The following ROBO2 variants were observed in gnomAD, a reference collection of about 807,000 sequenced individuals.
ROBO2 encodes the protein roundabout homolog 2.
Under a neutral mutation model 160.8 loss-of-function variants are expected in ROBO2, and 53 were observed. That is an observed-to-expected ratio of 0.33 (90% confidence interval 0.26 to 0.41). ROBO2 has a LOEUF of 0.41. ROBO2 is among the 10% of genes least tolerant of loss of function. The pLI, the probability that ROBO2 is intolerant of heterozygous loss-of-function variation, is 1.00. For missense variants in ROBO2, 1,577 were observed against 1,722.4 expected (o/e 0.92, Z 1.49); for synonymous variants, 664 against 611.7 (o/e 1.09, Z -1.26).
intron 16 of ROBO2, among the ~76,000 whole-genome samples, chr3:77,585,809 A>C (rs938218718): frequency 3.3e-5 from 5 of 152,076 alleles, no homozygotes; most frequent in Non-Finnish European, 5.9e-5. Context: ...TTAGTTGAGA[A>C]GTGATTTAGT....
At chr3:77,449,054 C>T (rs1378489791) in intron 2 of ROBO2, among the ~76,000 whole-genome samples, 3 of 152,026 alleles carry the variant, frequency 2.0e-5, no homozygotes, top group African/African-American at 7.2e-5. Context: ...GAAAGGTAAA[C>T]ATTTCTAAGC....
chr3:76,072,675 T>C (rs1034079877), intron 2 of ROBO2, among the ~76,000 whole-genome samples: 28 of 152,202 alleles, frequency 1.8e-4, no homozygotes, highest in African/African-American at 6.5e-4. Flanking sequence ...TATTATTCTT[T>C]AAAGTGCAAC....
At chr3:76,383,981 C>T (rs186198904) in intron 2 of ROBO2, among the ~76,000 whole-genome samples, 3 of 152,320 alleles carry the variant, frequency 2.0e-5, no homozygotes, top group Non-Finnish European at 4.4e-5. Flanking sequence ...TGGCAGATGT[C>T]AGAGCATGTG....
At chr3:77,338,111 A>G (rs1300134694) in intron 2 of ROBO2, among the ~76,000 whole-genome samples, 1 of 152,196 alleles carries the variant, frequency 6.6e-6, no homozygotes, top group Non-Finnish European at 1.5e-5. Flanking sequence ...AGTTTTAGAA[A>G]ACAGACATCA....
chr3:76,744,437 A>G (rs1366736289), intron 2 of ROBO2, among the ~76,000 whole-genome samples: 3 of 151,798 alleles, frequency 2.0e-5, no homozygotes, highest in Admixed American at 1.3e-4. Flanking sequence ...ATAGCTCACT[A>G]CAGCCTCCAC....
At chr3:76,859,782 A>T (rs959521280) in intron 2 of ROBO2, among the ~76,000 whole-genome samples, 31 of 152,278 alleles carry the variant, frequency 2.0e-4, no homozygotes, top group African/African-American at 7.5e-4. Flanking sequence ...ATGGCAGTTA[A>T]CCATTCTCTC....
At chr3:75,957,779 C>G (rs915521279) in intron 2 of ROBO2, among the ~76,000 whole-genome samples, 1 of 151,466 alleles carries the variant, frequency 6.6e-6, no homozygotes, top group Admixed American at 6.6e-5. Flanking sequence ...TCTCTACACA[C>G]AACTCCCCAT....
intron 2 of ROBO2, among the ~76,000 whole-genome samples, chr3:76,679,958 G>A (rs577861208): frequency 4.1e-4 from 63 of 152,260 alleles, no homozygotes; most frequent in Admixed American, 1.9e-3. Context: ...TAGAGATGCT[G>A]GATTTTGTGG....
intron 2 of ROBO2, among the ~76,000 whole-genome samples, chr3:76,598,234 T>G (rs1415753116): frequency 1.3e-5 from 2 of 151,766 alleles, no homozygotes; most frequent in African/African-American, 2.4e-5. Flanking sequence ...TTTTTAGAAA[T>G]GGAGAACAGA....
At chr3:77,506,281 TCTG>T (rs1252510874) in intron 5 of ROBO2, among the ~76,000 whole-genome samples, 3 of 152,170 alleles carry the variant, frequency 2.0e-5, no homozygotes, top group Admixed American at 6.6e-5. Flanking sequence ...AAGTGATTCT[TCTG>T]CTCAAAATAT....
rs983281986 is a variant in ROBO2 at position 77,296,566 on chromosome 3, G to T, written c.389-180848G>T. The stretch of plus-strand genomic sequence containing the variant: ...TAAATTACTGATACCCGAGTCCCAT[G>T]TCTAGAGTCTAATTTAATTGTTCAG... On this transcript the variant is annotated intron_variant, in intron 2 of 25. Coordinates refer to ENST00000461745, the Ensembl canonical transcript of ROBO2. Among the ~76,000 whole-genome samples the T allele has an allele frequency of 7.9e-4, 120 of 152,080 alleles. 1 individual carries two copies. The highest frequency in any genetic ancestry group is 3.2e-3 in the Middle Eastern group (1 of 316).
intron 2 of ROBO2, among the ~76,000 whole-genome samples, chr3:77,212,165 C>A (rs539113647): frequency 1.3e-5 from 2 of 152,252 alleles, no homozygotes; most frequent in African/African-American, 4.8e-5. Context: ...TTACCTTGGG[C>A]AGTATGGCCA....
intron 2 of ROBO2, among the ~76,000 whole-genome samples, chr3:76,473,174 C>T (rs2078757624): frequency 6.6e-6 from 1 of 152,108 alleles, no homozygotes; most frequent in Admixed American, 6.6e-5. Flanking sequence ...GGCTTCCAGT[C>T]TTTTTGAGTT....
At chr3:76,116,274 C>T (rs555124444) in intron 2 of ROBO2, among the ~76,000 whole-genome samples, 4 of 152,242 alleles carry the variant, frequency 2.6e-5, no homozygotes, top group African/African-American at 9.6e-5. Context: ...GCAATGCAAG[C>T]ACTATGTGCA....
At chr3:76,935,097 A>T (rs2077611711) in intron 2 of ROBO2, among the ~76,000 whole-genome samples, 1 of 151,898 alleles carries the variant, frequency 6.6e-6, no homozygotes, top group Non-Finnish European at 1.5e-5. Context: ...GACTATAGGC[A>T]CATGCCACCA....
chr3:76,397,078 A>T (rs958163619), intron 2 of ROBO2, among the ~76,000 whole-genome samples: 2 of 152,176 alleles, frequency 1.3e-5, no homozygotes, highest in Admixed American at 6.5e-5. Flanking sequence ...AAACTATACT[A>T]CACGGCTACA....
At chr3:77,581,933 A>G (rs952327254) in intron 16 of ROBO2, among the ~76,000 whole-genome samples, 16 of 152,126 alleles carry the variant, frequency 1.1e-4, no homozygotes, top group African/African-American at 2.9e-4. Flanking sequence ...TTACATGAGT[A>G]TGTTTTAAGA....
At chr3:77,428,706 T>C (rs1474654646) in intron 2 of ROBO2, among the ~76,000 whole-genome samples, 2 of 152,160 alleles carry the variant, frequency 1.3e-5, no homozygotes, top group East Asian at 3.9e-4. Flanking sequence ...ATGGTGCTCA[T>C]TTTTAATAGC....
intron 2 of ROBO2, among the ~76,000 whole-genome samples, chr3:76,557,341 A>C (rs2083858459): frequency 6.6e-6 from 1 of 152,052 alleles, no homozygotes; most frequent in South Asian, 2.1e-4. Context: ...TAAAAATTGA[A>C]ATCTACCAAA....
Sources: allele counts gnomAD v4.1 joint callset (sites outside exome capture counted in the v4.1 genomes callset), GRCh38; gene constraint gnomAD v4.1.1; transcripts MANE v1.5; gene names NCBI Gene and HGNC (gene_info 2026-07-23, HGNC 2026-07-21).